The following GRHL2 variants were observed in gnomAD, a reference collection of about 807,000 sequenced individuals.
GRHL2 encodes grainyhead-like protein 2 homolog.
Under a neutral mutation model 83.8 loss-of-function variants are expected in GRHL2, and 21 were observed. That is an observed-to-expected ratio of 0.25 (90% CI 0.18 to 0.36). The LOEUF (loss-of-function observed/expected upper bound fraction) is 0.36, where lower values mean the gene tolerates loss of function less well. Among genes scored for constraint, GRHL2 ranks in the 10% least tolerant of loss-of-function variants. The pLI is 1.00. For synonymous variants in GRHL2, 280 were observed against 278.9 expected, an observed-to-expected ratio of 1.00 and a Z score of -0.04; for missense variants, 623 against 781.8, an observed-to-expected ratio of 0.80 and a Z score of 2.42.
chr8:101,593,011 A>G (rs1812319137), intron 7 of GRHL2, among the ~76,000 whole-genome samples: 1 of 151,278 alleles, frequency 6.6e-6, no homozygotes, highest in South Asian at 2.1e-4. Flanking sequence ...CAATGGTGTG[A>G]TCTCGGCTCA....
At chr8:101,614,356 T>C (rs892300774) in intron 8 of GRHL2, among the ~76,000 whole-genome samples, 2 of 151,240 alleles carry the variant, frequency 1.3e-5, no homozygotes, top group Non-Finnish European at 2.9e-5. Flanking sequence ...ATTGTATTTA[T>C]TATCTGCCTA....
the GRHL2 span, among the ~76,000 whole-genome samples, chr8:101,678,334 A>C: frequency 6.6e-6 from 1 of 152,168 alleles, no homozygotes. Flanking sequence ...AAGAACCTGG[A>C]AAATCGGGTC....
At chr8:101,640,454 G>C (rs1240292521) in intron 12 of GRHL2, among the ~76,000 whole-genome samples, 1 of 152,136 alleles carries the variant, frequency 6.6e-6, no homozygotes, top group Non-Finnish European at 1.5e-5. Context: ...TGTAGAGAAT[G>C]GTCCTTTAAT....
intron 1 of GRHL2, among the ~76,000 whole-genome samples, chr8:101,519,241 T>C (rs1191694768): frequency 1.3e-5 from 2 of 152,098 alleles, no homozygotes; most frequent in African/African-American, 4.8e-5. Context: ...CAGGCTGATC[T>C]TGAACTCCTG....
chr8:101,641,616 G>A (rs1813402279), intron 12 of GRHL2, among the ~76,000 whole-genome samples: 1 of 152,182 alleles, frequency 6.6e-6, no homozygotes, highest in Admixed American at 6.5e-5. Flanking sequence ...TGATTTCCCT[G>A]AGTTGATCCT....
At position 101,552,738 on chromosome 8, in the gene GRHL2, G is replaced by A; in HGVS notation, c.240G>A (p.Leu80=). The A allele has an allele frequency of 6.2e-7, 1 of 1,614,148 alleles. No homozygotes were observed. Among genetic ancestry groups the A allele is most frequent in the Non-Finnish European group, 8.5e-7 (1 of 1,180,022 alleles). The change falls in exon 3 of 16, where the codon CTG becomes CTA. Residue 80 remains leucine, a synonymous_variant. Coordinates refer to ENST00000646743, the MANE Select transcript of GRHL2 (RefSeq NM_024915.4). ...AGGTTCCTCGAGACAAGAGGCTGCT[G>A]TCTGTAAGCAAAGCAAGTGACAGCC... ...YYKVPRDKRL[L]SVSKASDSQE...
intron 11 of GRHL2, among the ~76,000 whole-genome samples, chr8:101,636,446 C>T (rs866732245): frequency 3.9e-5 from 6 of 152,120 alleles, no homozygotes; most frequent in African/African-American, 1.4e-4. Context: ...CTCTCCATCC[C>T]GCATTTGGTC....
At chr8:101,567,092 A>G (rs1429781698) in intron 4 of GRHL2, among the ~76,000 whole-genome samples, 1 of 152,238 alleles carries the variant, frequency 6.6e-6, no homozygotes, top group Non-Finnish European at 1.5e-5. Context: ...CAGTTAAAGA[A>G]TCATTGTCTT....
chr8:101,512,056 G>C (rs1344569530), intron 1 of GRHL2, among the ~76,000 whole-genome samples: 3 of 151,796 alleles, frequency 2.0e-5, no homozygotes, highest in African/African-American at 4.8e-5. Flanking sequence ...TGCCTATGAA[G>C]CAACTATTTA....
At chr8:101,508,889 T>C (rs941947875) in intron 1 of GRHL2, among the ~76,000 whole-genome samples, 1 of 151,972 alleles carries the variant, frequency 6.6e-6, no homozygotes, top group Non-Finnish European at 1.5e-5. Context: ...AAACATAATT[T>C]AGGAAAAAAA....
At chr8:101,617,473 A>G (rs1172711292) in intron 8 of GRHL2, among the ~76,000 whole-genome samples, 2 of 152,214 alleles carry the variant, frequency 1.3e-5, no homozygotes, top group Admixed American at 1.3e-4. Context: ...GATCAGGTCT[A>G]GTAGTTAAAT....
chr8:101,493,873 C>A (rs1286941980), intron 1 of GRHL2, among the ~76,000 whole-genome samples: 1 of 151,820 alleles, frequency 6.6e-6, no homozygotes, highest in African/African-American at 2.4e-5. Context: ...GGCCTCCCCC[C>A]TGGCCGGCCC....
intron 7 of GRHL2, among the ~76,000 whole-genome samples, chr8:101,583,454 T>C (rs546148837): frequency 6.6e-6 from 1 of 152,148 alleles, no homozygotes; most frequent in South Asian, 2.1e-4. Flanking sequence ...TGCTAACTGG[T>C]TGGATGCCCT....
At chr8:101,660,618 T>C (rs1425847745) in intron 14 of GRHL2, among the ~76,000 whole-genome samples, 2 of 152,256 alleles carry the variant, frequency 1.3e-5, no homozygotes, top group Admixed American at 6.5e-5. Context: ...TTTTGTGGCT[T>C]CTTACTTTCT....
intron 11 of GRHL2, among the ~76,000 whole-genome samples, chr8:101,635,105 A>G (rs1813260162): frequency 6.6e-6 from 1 of 152,094 alleles, no homozygotes. Flanking sequence ...CTCAAAAACC[A>G]TCTCTTGCAC....
rs144168376 is a variant in GRHL2, at chr8:101,614,648, AG to A, written c.1099-4890del. Among the ~76,000 whole-genome samples, 778 of 152,344 alleles carry A rather than the reference AG, an allele frequency of 5.1e-3. 12 individuals carry two copies. Among genetic ancestry groups the A allele is most frequent in the East Asian group, 0.05 (258 of 5,182 alleles). On this transcript the variant is annotated intron_variant, in intron 8 of 15. Coordinates refer to ENST00000646743, the MANE Select transcript of GRHL2 (RefSeq NM_024915.4). ...CCCCTCTAATACATATTTACAAACA[AG>A]TGCTTTGTAGATACACTTCCAAGTA...
chr8:101,627,424 A>T (rs566473137), intron 9 of GRHL2, among the ~76,000 whole-genome samples: 11 of 152,170 alleles, frequency 7.2e-5, no homozygotes, highest in Admixed American at 2.0e-4. Context: ...CCCATATAAG[A>T]TGGTGAACTT....
chr8:101,563,719 TG>T (rs1371136515), intron 4 of GRHL2, among the ~76,000 whole-genome samples: 23 of 150,366 alleles, frequency 1.5e-4, no homozygotes, highest in African/African-American at 4.9e-4. Flanking sequence ...ATTTTTTTTT[TG>T]TTTTTTTTTG....
chr8:101,492,445 G>A lies in GRHL2; in HGVS notation c.-325G>A, dbSNP rs1175643469. On this transcript the variant is annotated 5_prime_UTR_variant, in exon 1 of 16. Coordinates refer to ENST00000646743, the MANE Select transcript of GRHL2 (RefSeq NM_024915.4). ...AAAGAATTCAGCTCCTTGCGAGAAAGTTACCTGTGGCCGCCCAAGTCCGCC... is the reference window on the plus strand; with the variant it reads ...AAAGAATTCAGCTCCTTGCGAGAAAATTACCTGTGGCCGCCCAAGTCCGCC... The A allele has an allele frequency of 6.1e-6, 3 of 494,574 alleles. No individual in the cohort carries two copies. The South Asian group carries it at 6.5e-5, about 11-fold the overall frequency. 30.6% of individuals were successfully genotyped at this position (494,574 alleles called of 1,614,324 possible).
Sources: gnomAD v4.1 joint callset for allele counts (sites outside exome capture counted in the v4.1 genomes callset) on GRCh38, gnomAD v4.1.1 for gene constraint, MANE v1.5 for transcripts, NCBI Gene and HGNC (gene_info 2026-07-23, HGNC 2026-07-21) for gene names.